MYOM2: variants seen among roughly 807,000 people sequenced by gnomAD.
The protein encoded by MYOM2 is myomesin-2.
A neutral mutation model predicts 187.6 loss-of-function variants in MYOM2; 254 were observed. The observed-to-expected ratio is 1.35, with a 90% CI of 1.22 to 1.50. The LOEUF (loss-of-function observed/expected upper bound fraction) is 1.50, where lower values mean the gene tolerates loss of function less well. MYOM2 is among the 40% of genes most tolerant of loss of function. The probability of loss-of-function intolerance (pLI) is 0.00; values close to 1 mark genes in which losing one functional copy is unlikely to be tolerated. For synonymous variants in MYOM2, 981 were observed against 753.8 expected, an observed-to-expected ratio of 1.30 and a Z score of -4.94; for missense variants, 2,796 against 1,924.0, an observed-to-expected ratio of 1.45 and a Z score of -8.48.
At chr8:2,137,413 A>G (rs1370085715) in intron 32 of MYOM2, among the ~76,000 whole-genome samples, 2 of 151,958 alleles carry the variant, frequency 1.3e-5, no homozygotes. Flanking sequence ...ACAAATCCCC[A>G]AGCAGTATCC....
chr8:2,069,659 A>G (rs543005545), intron 8 of MYOM2, among the ~76,000 whole-genome samples, 162 bp downstream of exon 8: 2 of 151,660 alleles, frequency 1.3e-5, no homozygotes, highest in East Asian at 3.9e-4. Context: ...TCGGCTCACC[A>G]TAAGCTCCGC....
chr8:2,098,595 C>T (rs1354546809), intron 18 of MYOM2, among the ~76,000 whole-genome samples: 3 of 152,184 alleles, frequency 2.0e-5, no homozygotes, highest in African/African-American at 4.8e-5. Context: ...CTGTCCCCTA[C>T]CCCCGCAGGA....
rs3736654 is a variant in MYOM2, at chr8:2,140,765, G to T, written c.3843G>T (p.Gly1281=). The change falls in exon 33 of 37, where the codon GGG becomes GGT. Residue 1281 remains glycine (G), a synonymous_variant. Coordinates refer to ENST00000262113, the MANE Select transcript of MYOM2 (RefSeq NM_003970.4). The stretch of plus-strand genomic sequence containing the variant: ...CCAGTGAGCATATGAGAATCGGGGG[G>T]AGTGAAGAGATGGCTTGGCTGCAGA... ...ISSSEHMRIG[G]SEEMAWLQIC... is the part of the protein sequence containing the mutation. 3,812 of 1,613,322 alleles carry T rather than the reference G, an allele frequency of 2.4e-3. 56 individuals carry two copies. The East Asian group carries it at 0.035, about 15-fold the overall frequency.
At chr8:2,111,671 C>T (rs898516281) in intron 25 of MYOM2, among the ~76,000 whole-genome samples, 30 of 152,346 alleles carry the variant, frequency 2.0e-4, no homozygotes, top group South Asian at 8.3e-4. Flanking sequence ...CCCTCTCCTG[C>T]TCATGGTACC....
At chr8:2,122,983 A>C (rs201548675) in intron 28 of MYOM2, among the ~76,000 whole-genome samples, 5 of 11,880 alleles carry the variant, frequency 4.2e-4, no homozygotes, top group Non-Finnish European at 7.0e-4. Flanking sequence ...CTTTATGCCT[A>C]GTCTAATTTC....
rs779027327 is a variant in MYOM2 at position 2,092,479 on chromosome 8, C to A, written c.1962C>A (p.Asn654Lys). 2 of 1,614,104 alleles carry A rather than the reference C, an allele frequency of 1.2e-6. No individual in the cohort carries two copies. The highest frequency in any genetic ancestry group is 2.2e-5 in the South Asian group (2 of 91,088). The change falls in exon 16 of 37, where the codon AAC becomes AAA. Residue 654 changes from asparagine (N) to lysine (K), a missense_variant. Asn to Lys is a moderately conservative substitution (Grantham distance 94). Transcript: ENST00000262113. The stretch of plus-strand genomic sequence containing the variant: ...TGGACTGCTGTGTGGCCGGAACCAA[C>A]CTCTGGGAGCCCTGCAACCACAAGC... Reference protein sequence around the residue: ...YYVDCCVAGTNLWEPCNHKPI... With the variant: ...YYVDCCVAGTKLWEPCNHKPI...
intron 3 of MYOM2, among the ~76,000 whole-genome samples, chr8:2,055,843 C>T (rs1311839397): frequency 2.0e-5 from 3 of 152,148 alleles, no homozygotes; most frequent in Non-Finnish European, 2.9e-5. Context: ...CGTGATGCTA[C>T]GGTCCCCTCC....
intron 1 of MYOM2, among the ~76,000 whole-genome samples, chr8:2,049,264 T>A (rs1400078050): frequency 6.6e-6 from 1 of 152,174 alleles, no homozygotes; most frequent in Non-Finnish European, 1.5e-5. Context: ...AGGCCCAGAA[T>A]AAGGATGGCC....
At chr8:2,130,107 G>C (rs893788717) in intron 32 of MYOM2, among the ~76,000 whole-genome samples, 4 of 151,446 alleles carry the variant, frequency 2.6e-5, no homozygotes, top group African/African-American at 7.3e-5. Context: ...CCCGCCTTTA[G>C]TTAACGCCCC....
chr8:2,108,573 T>C (rs1421149565), intron 23 of MYOM2, among the ~76,000 whole-genome samples: 8 of 152,178 alleles, frequency 5.3e-5, no homozygotes, highest in Non-Finnish European at 1.2e-4. Context: ...TGCCCTGCCT[T>C]GTCCTCAGCT....
chr8:2,135,596 A>G (rs1798041098), intron 32 of MYOM2, among the ~76,000 whole-genome samples: 1 of 152,176 alleles, frequency 6.6e-6, no homozygotes, highest in African/African-American at 2.4e-5. Context: ...ACGAAGGAGC[A>G]GAAACGTGTG....
rs1819417919 is a variant in MYOM2, at chr8:2,076,300, T to C, written c.1262+18T>C. 6 of 1,611,772 alleles carry C rather than the reference T, an allele frequency of 3.7e-6. No homozygotes were observed. The highest frequency in any genetic ancestry group is 1.1e-5 in the South Asian group (1 of 90,652). On this transcript the variant is annotated intron_variant, in intron 11 of 36. Transcript: ENST00000262113. ...GTGGACCGGTGAGCGTCTTGCATTC[T>C]CCCGGGGATGGGAACGTTCCGCATG...
chr8:2,108,743 G>A (rs1796973116), intron 23 of MYOM2, 43 bp from the exon 24 acceptor site: 1 of 1,606,124 alleles, frequency 6.2e-7, no homozygotes, highest in Non-Finnish European at 8.5e-7. Context: ...AACTTCTCTA[G>A]GTGCAGGTCC....
chr8:2,141,232 C>G lies in MYOM2; in HGVS notation c.4001+55C>G, dbSNP rs539591283. The G allele has an allele frequency of 1.6e-5, 24 of 1,513,828 alleles. No individual in the cohort carries two copies. In the South Asian group the frequency reaches 1.6e-4, roughly 10 times the overall value. 93.8% of individuals were successfully genotyped at this position (1,513,828 alleles called of 1,614,324 possible). On this transcript the variant is annotated intron_variant, in intron 34 of 36. Coordinates refer to ENST00000262113, the MANE Select transcript of MYOM2 (RefSeq NM_003970.4). ...ATCCTGTGGGCAGTTGAGTCCCAGT[C>G]GTTTTGGCTGCATGTGGGAATCTGT...
chr8:2,102,705 G>T lies in MYOM2; in HGVS notation c.2658G>T (p.Arg886Ser), dbSNP rs773619988. Residue 886 changes from arginine (R) to serine (S), a missense_variant, in exon 21 of 37, where the codon AGG (arginine) becomes AGT (serine). Arg to Ser is a moderately radical substitution (Grantham distance 110). Transcript: ENST00000262113. Reference sequence around the variant, plus strand: ...AGCAAGGTAAGACCTATGTCTTCAGGGTCCGGGCAGTCAATGCAAATGGCG... The same window carrying T: ...AGCAAGGTAAGACCTATGTCTTCAGTGTCCGGGCAGTCAATGCAAATGGCG... ...DLQQGKTYVF[R>S]VRAVNANGVG... The T allele has an allele frequency of 1.2e-6, 2 of 1,614,020 alleles. No individual in the cohort carries two copies. Among genetic ancestry groups the T allele is most frequent in the South Asian group, 2.2e-5 (2 of 91,078 alleles).
Position 2,123,641 on chromosome 8 carries a change from A to T in MYOM2, c.3654A>T (p.Lys1218Asn). ...QDVSILEIAGKVYDDMILAMS... is the reference protein window; with the variant it reads ...QDVSILEIAGNVYDDMILAMS... ...TGTCCATCCTTGAAATAGCTGGCAAAGGTAAAAGAAAACCTCCTTTGTTCT... is the reference window on the plus strand; with the variant it reads ...TGTCCATCCTTGAAATAGCTGGCAATGGTAAAAGAAAACCTCCTTTGTTCT... The change falls in exon 30 of 37, where the codon AAA becomes AAT. Residue 1218 changes from lysine (K) to asparagine (N), a missense_variant and splice_region_variant. By Grantham distance (94) the Lys-to-Asn change is moderately conservative. Coordinates refer to ENST00000262113, the MANE Select transcript of MYOM2 (RefSeq NM_003970.4). 1 of 1,613,914 alleles carries T rather than the reference A, an allele frequency of 6.2e-7. No individual in the cohort carries two copies. The highest frequency in any genetic ancestry group is 2.2e-5 in the East Asian group (1 of 44,878).
rs1798350347 is a variant in MYOM2, at chr8:2,143,475, G to T, written c.4080+19G>T. The T allele has an allele frequency of 1.2e-6, 2 of 1,614,090 alleles. No individual in the cohort carries two copies. The highest frequency in any genetic ancestry group is 4.5e-5 in the East Asian group (2 of 44,850). On this transcript the variant is annotated intron_variant, in intron 36 of 36. Transcript: ENST00000262113. ...AGGGAAGGTGAGGATTCTAAACTCG[G>T]CCGGGGTGGGGGTGTCAGCACGGTG...
chr8:2,120,668 A>AT (rs1249559203), intron 28 of MYOM2, among the ~76,000 whole-genome samples: 6 of 21,352 alleles, frequency 2.8e-4, no homozygotes, highest in East Asian at 1.6e-3. Context: ...GTATATATAT[A>AT]TATATATTAT....
intron 31 of MYOM2, among the ~76,000 whole-genome samples, chr8:2,126,426 TACAC>T (rs201861757): frequency 4.2e-5 from 6 of 143,890 alleles, no homozygotes; most frequent in Admixed American, 2.1e-4. Flanking sequence ...CACTCAGACA[TACAC>T]ACACACTGAC....
Sources: allele counts gnomAD v4.1 joint callset (sites outside exome capture counted in the v4.1 genomes callset), GRCh38; gene constraint gnomAD v4.1.1; transcripts MANE v1.5; gene names NCBI Gene and HGNC (gene_info 2026-07-23, HGNC 2026-07-21).